Variants in ADGRA1 observed in about 807,000 individuals in gnomAD.
ADGRA1 encodes the protein adhesion G protein-coupled receptor A1.
A neutral mutation model predicts 21.3 loss-of-function variants in ADGRA1; 12 were observed. The observed-to-expected ratio is 0.56, with a 90% CI of 0.36 to 0.91. The LOEUF (loss-of-function observed/expected upper bound fraction) is 0.91. Among genes scored for constraint, ADGRA1 ranks in the 40% least tolerant of loss-of-function variants. The probability of loss-of-function intolerance (pLI) is 0.01; values close to 1 mark genes in which losing one functional copy is unlikely to be tolerated. For synonymous variants in ADGRA1, 385 were observed against 368.8 expected, an observed-to-expected ratio of 1.04 and a Z score of -0.50; for missense variants, 790 against 805.6, an observed-to-expected ratio of 0.98 and a Z score of 0.23.
chr10:133,108,256 G>A (rs546311204), intron 5 of ADGRA1, among the ~76,000 whole-genome samples: 8 of 152,324 alleles, frequency 5.3e-5, no homozygotes, highest in South Asian at 2.1e-4. Flanking sequence ...GCTCTGCCTC[G>A]GGGCCTCCTG....
chr10:133,094,515 C>T (rs972777300), intron 2 of ADGRA1, among the ~76,000 whole-genome samples: 2 of 152,190 alleles, frequency 1.3e-5, no homozygotes, highest in Non-Finnish European at 2.9e-5. Flanking sequence ...CACAGCAGCC[C>T]CAGGGAGGCC....
At chr10:133,127,199 T>A (rs1417804489) in intron 5 of ADGRA1, 34 bp from the exon 6 acceptor site, 1 of 1,417,820 alleles carries the variant, frequency 7.1e-7, no homozygotes, top group Admixed American at 2.4e-5. Flanking sequence ...GCAGGCGGCG[T>A]CTGCAAGGGG....
At chr10:133,102,281 T>A (rs777823792) in intron 4 of ADGRA1, 2 of 496,666 alleles carry the variant, frequency 4.0e-6, no homozygotes, top group South Asian at 3.0e-5. Flanking sequence ...AGTAAGAGCA[T>A]CCTGGCGTGA....
At chr10:133,113,031 CGTCAGTTATTTGGGGTCTATAAGCTGT>C (rs1852088366) in intron 5 of ADGRA1, among the ~76,000 whole-genome samples, 1 of 123,178 alleles carries the variant, frequency 8.1e-6, no homozygotes, top group Admixed American at 8.4e-5. Context: ...CTGCGGGCCG[CGTCAGTTATTTGGGGTCTATAAGCTGT>C]GTCAGTTATT....
intron 5 of ADGRA1, among the ~76,000 whole-genome samples, chr10:133,121,844 C>T (rs868005339): frequency 3.2e-5 from 4 of 125,734 alleles, no homozygotes; most frequent in Admixed American, 8.5e-5. Context: ...TATATGTGTG[C>T]CTGTGCGTGT....
At chr10:133,092,967 G>T (rs918648124) in intron 2 of ADGRA1, 1 of 1,585,676 alleles carries the variant, frequency 6.3e-7, no homozygotes, top group Non-Finnish European at 8.5e-7. Context: ...AGTTGGAGCT[G>T]CAGACCTGGC....
chr10:133,109,844 GT>G, intron 5 of ADGRA1, among the ~76,000 whole-genome samples: 1 of 152,356 alleles, frequency 6.6e-6, no homozygotes, highest in African/African-American at 2.4e-5. Context: ...AAAGCAATCA[GT>G]TTCATACTTT....
chr10:133,098,195 AG>A (rs1427282286), intron 3 of ADGRA1, among the ~76,000 whole-genome samples: 1 of 152,192 alleles, frequency 6.6e-6, no homozygotes, highest in Admixed American at 6.5e-5. Flanking sequence ...TGGCCGGCTC[AG>A]CCCCAGGCTA....
At chr10:133,117,328 C>T (rs1043609447) in intron 5 of ADGRA1, among the ~76,000 whole-genome samples, 3 of 152,160 alleles carry the variant, frequency 2.0e-5, no homozygotes, top group South Asian at 2.1e-4. Context: ...AGGCACGCGC[C>T]GAAAGCCTGG....
chr10:133,109,451 C>T (rs1049700496), intron 5 of ADGRA1, among the ~76,000 whole-genome samples: 2 of 152,158 alleles, frequency 1.3e-5, no homozygotes, highest in African/African-American at 4.8e-5. Context: ...CCAGACCCCC[C>T]ATTGCTGCTC....
chr10:133,098,593 C>G (rs538650050), intron 3 of ADGRA1, 47 bp from the exon 4 acceptor site: 2 of 1,574,972 alleles, frequency 1.3e-6, no homozygotes, highest in African/African-American at 1.3e-5. Context: ...CACGCCTCCC[C>G]CTGCAGAGCC....
At chr10:133,122,614 A>C (rs1394588718) in intron 5 of ADGRA1, among the ~76,000 whole-genome samples, 1 of 152,240 alleles carries the variant, frequency 6.6e-6, no homozygotes, top group East Asian at 1.9e-4. Flanking sequence ...TGGAACATTT[A>C]GGAAGATGCC....
chr10:133,097,242 C>A, intron 3 of ADGRA1, 141 bp downstream of exon 3: 1 of 973,436 alleles, frequency 1.0e-6, no homozygotes, highest in South Asian at 1.5e-5. Context: ...CACCAGCTAG[C>A]TCAGACCCGC....
At chr10:133,094,535 C>T (rs535449223) in intron 2 of ADGRA1, among the ~76,000 whole-genome samples, 2 of 152,108 alleles carry the variant, frequency 1.3e-5, no homozygotes, top group Admixed American at 6.5e-5. Flanking sequence ...CGTGAGAGGA[C>T]GCGTGAGGGC....
Position 133,129,009 on chromosome 10 carries a change from C to T in ADGRA1, c.1181C>T (p.Ala394Val), listed in dbSNP as rs1320796514. 2.3e-5 allele frequency: 36 copies of T among 1,567,530 alleles called. No homozygotes were observed. The highest frequency in any genetic ancestry group is 3.0e-5 in the Non-Finnish European group (35 of 1,156,258). The change falls in exon 7 of 7, where the codon GCG becomes GTG. Residue 394 changes from alanine to valine, a missense_variant. Ala to Val is a moderately conservative substitution (Grantham distance 64). Coordinates refer to ENST00000392607, the MANE Select transcript of ADGRA1 (RefSeq NM_001083909.3). ...CAKMHCEPLTADEAHVHLQEE... is the reference protein window; with the variant it reads ...CAKMHCEPLTVDEAHVHLQEE... ...AAGATGCACTGCGAGCCACTGACGG[C>T]GGACGAGGCGCACGTGCACCTGCAG... is the stretch of plus-strand genomic sequence containing the variant.
At chr10:133,126,620 C>T (rs977783049) in intron 5 of ADGRA1, among the ~76,000 whole-genome samples, 1 of 152,168 alleles carries the variant, frequency 6.6e-6, no homozygotes. Flanking sequence ...GATCCCTGGG[C>T]GCCCTCAGCA....
chr10:133,121,811 T>G (rs913237986), intron 5 of ADGRA1, among the ~76,000 whole-genome samples: 1 of 145,376 alleles, frequency 6.9e-6, no homozygotes, highest in African/African-American at 2.6e-5. Context: ...GTGAGTGTGC[T>G]TGTGTGTGTG....
At chr10:133,102,650 G>A (rs757240235) in intron 4 of ADGRA1, 47 bp from the exon 5 acceptor site, 6 of 1,575,990 alleles carry the variant, frequency 3.8e-6, no homozygotes, top group African/African-American at 1.3e-5. Flanking sequence ...TGGGCTCTGG[G>A]GGGTGGGTGC....
chr10:133,098,607 G>A (rs1487430201), intron 3 of ADGRA1, 33 bp from the exon 4 acceptor site: 2 of 1,594,992 alleles, frequency 1.3e-6, no homozygotes, highest in Non-Finnish European at 8.5e-7. Context: ...CAGAGCCTCT[G>A]CTCATGTGAA....
Sources: gnomAD v4.1 joint callset for allele counts (sites outside exome capture counted in the v4.1 genomes callset) on GRCh38, gnomAD v4.1.1 for gene constraint, MANE v1.5 for transcripts, NCBI Gene and HGNC (gene_info 2026-07-23, HGNC 2026-07-21) for gene names.